Variants in KICS2 observed in about 807,000 individuals in gnomAD.
KICS2 encodes KICSTOR complex protein C12orf66.
In KICS2, 13 loss-of-function variants were observed where a neutral mutation model predicts 31.4. The ratio of observed to expected loss-of-function variants is 0.41; its 90% CI spans 0.27 to 0.66. The LOEUF (loss-of-function observed/expected upper bound fraction) is 0.66. KICS2 is among the 30% of genes least tolerant of loss of function. The probability of loss-of-function intolerance (pLI) is 0.28; values close to 1 mark genes in which losing one functional copy is unlikely to be tolerated. For missense variants in KICS2, 455 were observed against 545.4 expected (o/e 0.83, Z 1.65); for synonymous variants, 209 against 214.8 (o/e 0.97, Z 0.24).
intron 2 of KICS2, among the ~76,000 whole-genome samples, chr12:64,206,029 C>T (rs1242170101): frequency 6.6e-6 from 1 of 152,198 alleles, no homozygotes; most frequent in Non-Finnish European, 1.5e-5. Flanking sequence ...AGGCATCCTT[C>T]CACCTCAGCC....
intron 2 of KICS2, among the ~76,000 whole-genome samples, chr12:64,199,661 T>C (rs1302544126): frequency 6.8e-6 from 1 of 147,694 alleles, no homozygotes; most frequent in South Asian, 2.2e-4. Context: ...GGAAGTCAAA[T>C]TGTCCCTGTT....
intron 2 of KICS2, among the ~76,000 whole-genome samples, chr12:64,208,458 G>A (rs1384526713): frequency 6.6e-6 from 1 of 152,220 alleles, no homozygotes; most frequent in Non-Finnish European, 1.5e-5. Flanking sequence ...CATGTCAAAT[G>A]ACTAGGAGAG....
At chr12:64,208,154 C>A (rs1429058479) in intron 2 of KICS2, among the ~76,000 whole-genome samples, 3 of 152,154 alleles carry the variant, frequency 2.0e-5, no homozygotes, top group African/African-American at 7.2e-5. Context: ...GGATTACAGG[C>A]ACACACCACC....
intron 1 of KICS2, among the ~76,000 whole-genome samples, chr12:64,221,110 G>C (rs1164049650): frequency 5.5e-5 from 4 of 72,306 alleles, no homozygotes; most frequent in Non-Finnish European, 9.8e-5. Flanking sequence ...GTTAGGGAAC[G>C]GGGGGGGGTG....
intron 1 of KICS2, 64 bp from the exon 2 acceptor site, chr12:64,216,027 T>C (rs965558313): frequency 6.7e-7 from 1 of 1,488,080 alleles, no homozygotes; most frequent in East Asian, 2.3e-5. Context: ...ACCAAACACC[T>C]ACCAACATGC....
chr12:64,216,649 G>T (rs1203765010), intron 1 of KICS2, among the ~76,000 whole-genome samples: 2 of 152,132 alleles, frequency 1.3e-5, no homozygotes, highest in African/African-American at 4.8e-5. Context: ...GAATTATTAA[G>T]ACCAGGAACC....
At chr12:64,212,205 T>C (rs1174606886) in intron 2 of KICS2, among the ~76,000 whole-genome samples, 2 of 152,220 alleles carry the variant, frequency 1.3e-5, no homozygotes, top group Non-Finnish European at 2.9e-5. Flanking sequence ...TACAATTCAA[T>C]GGTTTTAATA....
intron 2 of KICS2, among the ~76,000 whole-genome samples, chr12:64,203,964 G>T (rs1179789531): frequency 6.6e-6 from 1 of 152,194 alleles, no homozygotes; most frequent in African/African-American, 2.4e-5. Flanking sequence ...CATGTCCTTT[G>T]CAGGGACACG....
At chr12:64,204,375 G>A (rs2037518340) in intron 2 of KICS2, among the ~76,000 whole-genome samples, 1 of 152,072 alleles carries the variant, frequency 6.6e-6, no homozygotes, top group Admixed American at 6.6e-5. Context: ...AAAAATTAAA[G>A]TAAAAAAATA....
chr12:64,188,820 G>T (rs2037359022), downstream of KICS2, among the ~76,000 whole-genome samples: 1 of 151,958 alleles, frequency 6.6e-6, no homozygotes, highest in African/African-American at 2.4e-5. Context: ...CCATTGTCTG[G>T]AAGATGCTAA....
At chr12:64,213,859 A>G (rs1162970) in intron 2 of KICS2, among the ~76,000 whole-genome samples, 150,130 of 152,262 alleles carry the variant, frequency 0.99, 74,049 homozygotes, top group Middle Eastern at 1. Flanking sequence ...TATTATCATT[A>G]GAGGGGCAAA....
At position 64,193,610 on chromosome 12, in the gene KICS2, C is replaced by A; in HGVS notation, c.*232G>T. 2.3e-6 allele frequency: 3 copies of A among 1,322,568 alleles called. No individual in the cohort carries two copies. The highest frequency in any genetic ancestry group is 3.6e-5 in the Admixed American group (1 of 27,818). The allele number at this position is 1,322,568 out of a possible 1,614,324, so 81.9% of individuals were successfully genotyped here. Reference sequence around the variant, plus strand: ...AGGGGAAAATACTGAAACTACTTTGCTGTACCATGGAGACACATGGTAGCC... The same window carrying A: ...AGGGGAAAATACTGAAACTACTTTGATGTACCATGGAGACACATGGTAGCC... On this transcript the variant is annotated 3_prime_UTR_variant, in exon 3 of 3. Coordinates refer to ENST00000398055, the MANE Select transcript of KICS2 (RefSeq NM_152440.5).
intron 2 of KICS2, among the ~76,000 whole-genome samples, chr12:64,207,763 A>G (rs964033916): frequency 1.9e-4 from 29 of 152,186 alleles, no homozygotes; most frequent in East Asian, 1.9e-4. Context: ...AGGTCAGCCA[A>G]TCCTAGTAGG....
chr12:64,202,384 A>AG lies in KICS2; in HGVS notation c.522-7727dup, dbSNP rs563970321. ...GTGATCGCACTACTGTGCTTCACAG[A>AG]GTGAGACCCTGTCTCCAAAAAAAAA... On this transcript the variant is annotated intron_variant, in intron 2 of 2. Transcript: ENST00000398055. 1.1e-3 allele frequency among the ~76,000 whole-genome samples: 173 copies of AG among 152,158 alleles called. 1 individual carries two copies. The highest frequency in any genetic ancestry group is 4.1e-3 in the African/African-American group (170 of 41,538).
Position 64,213,382 on chromosome 12 carries a change from A to C in KICS2, c.521+2296T>G, listed in dbSNP as rs186984294. On this transcript the variant is annotated intron_variant, in intron 2 of 2. Coordinates refer to ENST00000398055, the MANE Select transcript of KICS2 (RefSeq NM_152440.5). ...ACAAAAGAATATGGGCTCTGAAGTC[A>C]CAGAGCTAAGCTGTATGACTCTAAG... is the stretch of plus-strand genomic sequence containing the variant. 3.3e-4 allele frequency among the ~76,000 whole-genome samples: 51 copies of C among 152,306 alleles called. No homozygotes were observed. In the East Asian group the frequency reaches 8.7e-3, roughly 26 times the overall value.
At chr12:64,189,681 A>C (rs1016684560), downstream of KICS2, among the ~76,000 whole-genome samples, 2 of 152,176 alleles carry the variant, frequency 1.3e-5, no homozygotes, top group African/African-American at 4.8e-5. Context: ...ACACACACAC[A>C]CACACACCAC....
downstream of KICS2, among the ~76,000 whole-genome samples, chr12:64,189,785 C>A (rs1383045394): frequency 2.0e-5 from 3 of 151,950 alleles, no homozygotes; most frequent in Non-Finnish European, 4.4e-5. Flanking sequence ...AAGCAGGAAA[C>A]TTCATAATGA....
intron 1 of KICS2, among the ~76,000 whole-genome samples, chr12:64,216,708 C>CAAA (rs1306430040): frequency 6.6e-6 from 1 of 151,968 alleles, no homozygotes; most frequent in African/African-American, 2.4e-5. Context: ...AGGAAATCAG[C>CAAA]AAAAAATAAA....
intron 2 of KICS2, among the ~76,000 whole-genome samples, chr12:64,203,116 C>T (rs1262174702): frequency 3.9e-5 from 6 of 152,104 alleles, no homozygotes; most frequent in Non-Finnish European, 7.4e-5. Context: ...CCTCCCCAAG[C>T]GGAAGTAATA....
Sources: gnomAD v4.1 joint callset for allele counts (sites outside exome capture counted in the v4.1 genomes callset) on GRCh38, gnomAD v4.1.1 for gene constraint, MANE v1.5 for transcripts, NCBI Gene and HGNC (gene_info 2026-07-23, HGNC 2026-07-21) for gene names.